The following SPAG6 variants were observed in gnomAD, a reference collection of about 807,000 sequenced individuals.
SPAG6 encodes sperm associated antigen 6.
In SPAG6, 49 loss-of-function variants were observed where a neutral mutation model predicts 58.5. That is an observed-to-expected ratio of 0.84 (90% confidence interval 0.67 to 1.06). The LOEUF (loss-of-function observed/expected upper bound fraction) is 1.06, where lower values mean the gene tolerates loss of function less well. Ranked by LOEUF, SPAG6 falls within the 50% of genes least tolerant of loss-of-function variation. The pLI is 0.00. For missense variants in SPAG6, 560 were observed against 611.3 expected, an observed-to-expected ratio of 0.92 and a Z score of 0.89; for synonymous variants, 233 against 225.6, an observed-to-expected ratio of 1.03 and a Z score of -0.29.
Position 22,345,806 on chromosome 10 carries a change from C to T in SPAG6, c.109C>T (p.Leu37=). Residue 37 remains leucine, a synonymous_variant, in exon 2 of 11, where the codon CTG becomes TTG. Transcript: ENST00000376624. The surrounding 1 kb of genome is among the most constrained non-coding windows in gnomAD (Gnocchi z 6.3). ...GACTAGACCCCAAAACATCGAGACGCTGCAGAACGCGGGTGAGCCCGGAGC... is the reference window on the plus strand; with the variant it reads ...GACTAGACCCCAAAACATCGAGACGTTGCAGAACGCGGGTGAGCCCGGAGC... ...LATRPQNIET[L]QNAGVMSLLR... The T allele has an allele frequency of 6.2e-7, 1 of 1,613,382 alleles. No individual in the cohort carries two copies. Among genetic ancestry groups the T allele is most frequent in the Non-Finnish European group, 8.5e-7 (1 of 1,179,712 alleles).
intron 3 of SPAG6, among the ~76,000 whole-genome samples, chr10:22,365,634 A>T (rs1286947966): frequency 6.6e-6 from 1 of 152,114 alleles, no homozygotes. Flanking sequence ...TAGGTTTTGG[A>T]CTGTTCATTC....
At chr10:22,379,043 T>C (rs185435313) in intron 4 of SPAG6, among the ~76,000 whole-genome samples, 35 of 152,268 alleles carry the variant, frequency 2.3e-4, no homozygotes, top group Admixed American at 2.2e-3. Flanking sequence ...GCTCTGACGA[T>C]TGGGTGGAGG....
chr10:22,413,315 C>T (rs1039030197), intron 10 of SPAG6, among the ~76,000 whole-genome samples: 34 of 151,900 alleles, frequency 2.2e-4, no homozygotes, highest in Non-Finnish European at 2.5e-4. Context: ...GTGGGGATCA[C>T]GAGGTCAGGA....
At chr10:22,350,645 GACTA>G (rs1205909905) in intron 2 of SPAG6, among the ~76,000 whole-genome samples, 3 of 152,244 alleles carry the variant, frequency 2.0e-5, no homozygotes, top group South Asian at 2.1e-4. Context: ...ATACTTATTT[GACTA>G]ACTAATTTCT....
At chr10:22,350,627 C>A (rs1479890852) in intron 2 of SPAG6, among the ~76,000 whole-genome samples, 5 of 152,168 alleles carry the variant, frequency 3.3e-5, no homozygotes, top group Non-Finnish European at 7.4e-5. Flanking sequence ...TGCCTGAAAT[C>A]TTTCCCTATA....
intron 2 of SPAG6, among the ~76,000 whole-genome samples, chr10:22,346,499 T>TTCTTCTTCTTCTTCTTCTTC (rs1491381117): frequency 4.8e-5 from 6 of 126,186 alleles, no homozygotes; most frequent in Admixed American, 3.2e-4. Flanking sequence ...TCTTCTTCTT[T>TTCTTCTTCTTCTTCTTCTTC]CTTCTTCTTC....
At chr10:22,410,309 A>T (rs1049760691) in intron 9 of SPAG6, among the ~76,000 whole-genome samples, 14 of 152,202 alleles carry the variant, frequency 9.2e-5, no homozygotes, top group Admixed American at 2.6e-4. Context: ...GCCTTCAGTG[A>T]CATTGTGACA....
intron 9 of SPAG6, among the ~76,000 whole-genome samples, chr10:22,405,908 T>C (rs2130629400): frequency 6.6e-6 from 1 of 152,370 alleles, no homozygotes; most frequent in South Asian, 2.1e-4. Context: ...CTTCTAGATT[T>C]TCTAGTTTAT....
intron 9 of SPAG6, among the ~76,000 whole-genome samples, chr10:22,401,885 CCA>C (rs1226596299): frequency 6.6e-6 from 1 of 152,148 alleles, no homozygotes; most frequent in Admixed American, 6.5e-5. Context: ...GACTCTGTTA[CCA>C]CAGACACTGA....
intron 2 of SPAG6, among the ~76,000 whole-genome samples, chr10:22,347,609 CTT>C (rs1267916256): frequency 1.3e-5 from 2 of 152,104 alleles, no homozygotes; most frequent in African/African-American, 2.4e-5. Flanking sequence ...GTATACATAA[CTT>C]TTAAGATACG....
intron 2 of SPAG6, among the ~76,000 whole-genome samples, chr10:22,348,343 A>T (rs1047896602): frequency 6.6e-6 from 1 of 152,228 alleles, no homozygotes; most frequent in African/African-American, 2.4e-5. Context: ...TTACAATTTT[A>T]AAAAAGGGCT....
chr10:22,409,544 G>A (rs1314101577), intron 9 of SPAG6, among the ~76,000 whole-genome samples: 2 of 152,214 alleles, frequency 1.3e-5, no homozygotes, highest in Admixed American at 1.3e-4. Context: ...ACATTTCAAT[G>A]TACTAGACTT....
chr10:22,393,671 A>G (rs1402358393), intron 8 of SPAG6, among the ~76,000 whole-genome samples: 3 of 152,212 alleles, frequency 2.0e-5, no homozygotes, highest in Non-Finnish European at 4.4e-5. Flanking sequence ...ACCAATCATT[A>G]TTCCATCAAC....
intron 2 of SPAG6, among the ~76,000 whole-genome samples, chr10:22,347,928 A>G (rs1421500898): frequency 1.3e-5 from 2 of 152,252 alleles, no homozygotes; most frequent in Admixed American, 6.5e-5. Context: ...AAATACAGAC[A>G]TAATGAATAT....
intron 4 of SPAG6, among the ~76,000 whole-genome samples, chr10:22,385,835 G>A (rs115563327): frequency 3.1e-3 from 474 of 152,260 alleles, no homozygotes; most frequent in African/African-American, 0.011. Context: ...ACACATCTGG[G>A]AAAATAAGAA....
chr10:22,406,027 T>A (rs1165821867), intron 9 of SPAG6, among the ~76,000 whole-genome samples: 1 of 152,176 alleles, frequency 6.6e-6, no homozygotes, highest in African/African-American at 2.4e-5. Context: ...TTCTTCTCTC[T>A]TTTTTTCTTT....
intron 6 of SPAG6, among the ~76,000 whole-genome samples, chr10:22,388,432 G>A (rs1010635272): frequency 2.0e-5 from 3 of 152,046 alleles, no homozygotes; most frequent in Non-Finnish European, 2.9e-5. Flanking sequence ...ACAATTTTAT[G>A]TCAGCTGGGA....
intron 7 of SPAG6, among the ~76,000 whole-genome samples, chr10:22,390,287 G>A (rs1165422295): frequency 6.6e-6 from 1 of 152,116 alleles, no homozygotes; most frequent in Admixed American, 6.6e-5. Context: ...TGGTTCTTTT[G>A]TGGATAGTCA....
At chr10:22,413,606 T>A (rs1463808801) in intron 10 of SPAG6, among the ~76,000 whole-genome samples, 3 of 151,774 alleles carry the variant, frequency 2.0e-5, no homozygotes, top group African/African-American at 7.3e-5. Context: ...CTTCCCCAAT[T>A]CTGTGGGCTG....
Sources: gnomAD v4.1 joint callset for allele counts (sites outside exome capture counted in the v4.1 genomes callset) on GRCh38, gnomAD v4.1.1 for gene constraint, Gnocchi (gnomAD v3.1) non-coding constraint, MANE v1.5 for transcripts, NCBI Gene and HGNC (gene_info 2026-07-23, HGNC 2026-07-21) for gene names.